The following NRXN1 variants were observed in gnomAD, a reference collection of about 807,000 sequenced individuals.
NRXN1 encodes neurexin-1.
A neutral mutation model predicts 150.9 loss-of-function variants in NRXN1; 39 were observed. The ratio of observed to expected loss-of-function variants is 0.26; its 90% CI spans 0.20 to 0.34. The LOEUF (loss-of-function observed/expected upper bound fraction) is 0.34. NRXN1 is among the 10% of genes least tolerant of loss of function. The probability of loss-of-function intolerance (pLI) is 1.00; values close to 1 mark genes in which losing one functional copy is unlikely to be tolerated. For missense variants in NRXN1, 1,815 were observed against 1,949.9 expected, an observed-to-expected ratio of 0.93 and a Z score of 1.30; for synonymous variants, 924 against 757.0, an observed-to-expected ratio of 1.22 and a Z score of -3.62.
At chr2:50,698,767 T>A (rs2104942715) in intron 5 of NRXN1, among the ~76,000 whole-genome samples, 1 of 152,320 alleles carries the variant, frequency 6.6e-6, no homozygotes, top group Non-Finnish European at 1.5e-5. Flanking sequence ...CTTCTCCAGT[T>A]AAAATTGCCC....
chr2:50,120,895 G>C (rs182663057), intron 18 of NRXN1, among the ~76,000 whole-genome samples: 4 of 152,292 alleles, frequency 2.6e-5, no homozygotes, highest in African/African-American at 9.6e-5. Context: ...CATTTGATGA[G>C]ATCTGTTGAC....
chr2:50,700,749 A>G (rs1646743157), intron 5 of NRXN1, among the ~76,000 whole-genome samples: 1 of 152,198 alleles, frequency 6.6e-6, no homozygotes, highest in East Asian at 1.9e-4. Flanking sequence ...AAATGTGAGG[A>G]TAAGTTTTTT....
chr2:49,994,369 G>A (rs6545138), intron 21 of NRXN1, among the ~76,000 whole-genome samples: 71,035 of 151,990 alleles, frequency 0.47, 17,259 homozygotes, highest in Middle Eastern at 0.6. Flanking sequence ...ACTAATAGAC[G>A]AATCCAGTCT....
chr2:50,963,398 ATAC>A lies in NRXN1; in HGVS notation c.773-37446_773-37444del, dbSNP rs1308987414. ...TCCTTTCATTCCCTGAAAACATTCT[ATAC>A]TGGTCAAATGGACAACGAGGAAAAC... is the stretch of plus-strand genomic sequence containing the variant. On this transcript the variant is annotated intron_variant, in intron 2 of 22. Transcript: ENST00000401669. 3.3e-5 allele frequency among the ~76,000 whole-genome samples: 5 copies of A among 151,482 alleles called. No homozygotes were observed. In the East Asian group the frequency reaches 9.6e-4, roughly 29 times the overall value.
intron 5 of NRXN1, among the ~76,000 whole-genome samples, chr2:50,680,288 A>T (rs1042199513): frequency 6.6e-6 from 1 of 152,098 alleles, no homozygotes; most frequent in African/African-American, 2.4e-5. Flanking sequence ...TTTCTTCTGA[A>T]TTTATTTTGA....
At chr2:51,031,569 C>T (rs972784376) in intron 1 of NRXN1, among the ~76,000 whole-genome samples, 2 of 152,098 alleles carry the variant, frequency 1.3e-5, no homozygotes, top group Non-Finnish European at 2.9e-5. Flanking sequence ...CTCTGGCTTT[C>T]CCGCCCAGTC....
At chr2:50,003,036 T>C (rs1684196088) in intron 21 of NRXN1, among the ~76,000 whole-genome samples, 1 of 152,116 alleles carries the variant, frequency 6.6e-6, no homozygotes, top group African/African-American at 2.4e-5. Flanking sequence ...CCAAAAGATT[T>C]ATAGGATTTG....
At chr2:50,530,639 G>C (rs1428289175) in intron 11 of NRXN1, among the ~76,000 whole-genome samples, 1 of 152,122 alleles carries the variant, frequency 6.6e-6, no homozygotes, top group Non-Finnish European at 1.5e-5. Flanking sequence ...TCTCATGGCT[G>C]TTTGCTAAGG....
intron 17 of NRXN1, among the ~76,000 whole-genome samples, chr2:50,318,232 T>C (rs761023098): frequency 5.9e-5 from 9 of 152,000 alleles, no homozygotes; most frequent in Non-Finnish European, 2.9e-5. Flanking sequence ...TCATTAGTAA[T>C]CAGGAGAATT....
chr2:50,084,350 C>T (rs1484567882), intron 19 of NRXN1, among the ~76,000 whole-genome samples: 2 of 152,148 alleles, frequency 1.3e-5, no homozygotes, highest in Non-Finnish European at 2.9e-5. Context: ...CCGAGCCCTG[C>T]CCCGCAGGGA....
At chr2:50,444,179 C>T (rs73934112) in intron 17 of NRXN1, among the ~76,000 whole-genome samples, 1,943 of 152,246 alleles carry the variant, frequency 0.013, 43 homozygotes, top group African/African-American at 0.044. Context: ...AATCTTTAGT[C>T]TTAGATAGCT....
chr2:50,266,792 T>C (rs1035753035), intron 17 of NRXN1, among the ~76,000 whole-genome samples: 5 of 152,272 alleles, frequency 3.3e-5, no homozygotes, highest in Middle Eastern at 3.4e-3. Context: ...GGATGGTTTC[T>C]AGTTTAGTGA....
chr2:50,474,839 C>CCCAA (rs1558795095), intron 15 of NRXN1, among the ~76,000 whole-genome samples: 1 of 108,852 alleles, frequency 9.2e-6, no homozygotes, highest in South Asian at 3.3e-4. Context: ...GCCCCCCTAC[C>CCCAA]AAAAAAAAAA....
At chr2:50,445,419 C>T (rs1207058910) in intron 17 of NRXN1, among the ~76,000 whole-genome samples, 1 of 152,158 alleles carries the variant, frequency 6.6e-6, no homozygotes, top group East Asian at 1.9e-4. Flanking sequence ...GGGAATGAAT[C>T]ATTGCAGTCA....
chr2:50,933,749 C>A (rs892673192), intron 2 of NRXN1, among the ~76,000 whole-genome samples: 1 of 152,010 alleles, frequency 6.6e-6, no homozygotes, highest in African/African-American at 2.4e-5. Flanking sequence ...TTTCTAGGTA[C>A]CCTAATGATT....
chr2:49,955,106 T>C (rs1333736452), intron 21 of NRXN1, among the ~76,000 whole-genome samples: 1 of 152,172 alleles, frequency 6.6e-6, no homozygotes, highest in Non-Finnish European at 1.5e-5. Context: ...CACTTGAATT[T>C]ACTAGAATCA....
Position 50,346,949 on chromosome 2 carries a change from T to G in NRXN1, c.3365-109979A>C, listed in dbSNP as rs1280312011. On this transcript the variant is annotated intron_variant, in intron 17 of 22. Coordinates refer to ENST00000401669, the MANE Select transcript of NRXN1 (RefSeq NM_001330078.2). The surrounding 1 kb of genome is among the most constrained non-coding windows in gnomAD (Gnocchi z 5.0). ...CCGCACCGGAGCATCCTCTGGTACA[T>G]GGCGGGGCGCCCGCCGAGGGGCAGC... The G allele has an allele frequency of 7.3e-7, 1 of 1,369,912 alleles. No individual in the cohort carries two copies. Among genetic ancestry groups the G allele is most frequent in the East Asian group, 3.8e-5 (1 of 26,032 alleles). The allele number at this position is 1,369,912 out of a possible 1,614,324, so 84.9% of individuals were successfully genotyped here.
chr2:50,916,260 A>G (rs552552118), intron 5 of NRXN1, among the ~76,000 whole-genome samples: 11 of 151,088 alleles, frequency 7.3e-5, no homozygotes, highest in African/African-American at 2.7e-4. Context: ...GTCACCTTTC[A>G]TGCCTTGTAA....
chr2:50,165,518 T>G (rs1360256272), intron 18 of NRXN1, among the ~76,000 whole-genome samples: 1 of 151,972 alleles, frequency 6.6e-6, no homozygotes, highest in Non-Finnish European at 1.5e-5. Flanking sequence ...CTGGCTAACT[T>G]TTGTATTTTT....
Sources: gnomAD v4.1 joint callset for allele counts (sites outside exome capture counted in the v4.1 genomes callset) on GRCh38, gnomAD v4.1.1 for gene constraint, Gnocchi (gnomAD v3.1) non-coding constraint, MANE v1.5 for transcripts, NCBI Gene and HGNC (gene_info 2026-07-23, HGNC 2026-07-21) for gene names.